Variants in SLC35F3 observed in about 807,000 individuals in gnomAD.
SLC35F3 encodes the protein putative thiamine transporter SLC35F3.
A neutral mutation model predicts 49.9 loss-of-function variants in SLC35F3; 25 were observed. The ratio of observed to expected loss-of-function variants is 0.50; its 90% CI spans 0.37 to 0.70. The LOEUF is 0.70. Ranked by LOEUF, SLC35F3 falls within the 30% of genes least tolerant of loss-of-function variation. SLC35F3 has a pLI of 0.00. For synonymous variants in SLC35F3, 275 were observed against 265.4 expected (o/e 1.04, Z -0.35); for missense variants, 525 against 639.8 (o/e 0.82, Z 1.94).
intron 2 of SLC35F3, among the ~76,000 whole-genome samples, chr1:234,204,718 C>T (rs1420212463): frequency 1.3e-5 from 2 of 152,240 alleles, no homozygotes; most frequent in African/African-American, 2.4e-5. Flanking sequence ...TGACTTTTTG[C>T]CGTACACTAA....
chr1:233,962,906 G>T (rs1448867484), intron 2 of SLC35F3, among the ~76,000 whole-genome samples: 1 of 152,166 alleles, frequency 6.6e-6, no homozygotes, highest in African/African-American at 2.4e-5. Context: ...CTCTTTGCAC[G>T]GACCTTGTAA....
At chr1:234,083,627 A>G (rs957959240) in intron 2 of SLC35F3, among the ~76,000 whole-genome samples, 4 of 152,184 alleles carry the variant, frequency 2.6e-5, no homozygotes, top group Admixed American at 6.5e-5. Flanking sequence ...CAGATCTCCA[A>G]TCATTTCTTA....
intron 2 of SLC35F3, among the ~76,000 whole-genome samples, chr1:234,064,015 GT>G (rs1306270696): frequency 6.6e-6 from 1 of 152,172 alleles, no homozygotes; most frequent in Non-Finnish European, 1.5e-5. Flanking sequence ...TGAACTGTTT[GT>G]TTTTATAATT....
intron 2 of SLC35F3, among the ~76,000 whole-genome samples, chr1:234,090,952 G>A (rs1665034100): frequency 6.6e-6 from 1 of 152,202 alleles, no homozygotes; most frequent in Non-Finnish European, 1.5e-5. Context: ...TCAACACGGG[G>A]AGGAACATAT....
At position 234,074,895 on chromosome 1, in the gene SLC35F3, T is replaced by C. The variant is rs1430099253; in HGVS notation, c.284-156522T>C. ...CTGCTTTTACCACATTTGAGATGTC[T>C]GGGGAGGAGCTGAGACTGAAATAAG... On this transcript the variant is annotated intron_variant, in intron 2 of 7. Transcript: ENST00000366618. 6.6e-5 allele frequency among the ~76,000 whole-genome samples: 10 copies of C among 152,262 alleles called. No individual in the cohort carries two copies. The East Asian group carries it at 1.5e-3, about 24-fold the overall frequency.
At chr1:234,177,275 A>C (rs12742490) in intron 2 of SLC35F3, among the ~76,000 whole-genome samples, 30,449 of 152,208 alleles carry the variant, frequency 0.2, 3,949 homozygotes, top group Non-Finnish European at 0.29. Context: ...GAGTCCAATT[A>C]AACCTCTTTC....
chr1:233,938,384 G>A (rs1157751147), intron 2 of SLC35F3, among the ~76,000 whole-genome samples: 1 of 152,140 alleles, frequency 6.6e-6, no homozygotes, highest in Non-Finnish European at 1.5e-5. Flanking sequence ...CTCCTAGGAG[G>A]TAGAATGTTG....
chr1:234,017,549 T>C (rs189219196), intron 2 of SLC35F3, among the ~76,000 whole-genome samples: 3 of 151,286 alleles, frequency 2.0e-5, no homozygotes, highest in Admixed American at 2.0e-4. Flanking sequence ...CCGTCTCTAC[T>C]AAAAAATACA....
chr1:234,230,975 C>G (rs1667358458), intron 2 of SLC35F3, among the ~76,000 whole-genome samples: 1 of 152,180 alleles, frequency 6.6e-6, no homozygotes, highest in Non-Finnish European at 1.5e-5. Context: ...CCCAGTACTG[C>G]CCCGCACCCA....
chr1:233,912,106 GT>G (rs2102782627), intron 2 of SLC35F3, among the ~76,000 whole-genome samples: 1 of 152,244 alleles, frequency 6.6e-6, no homozygotes, highest in Admixed American at 6.5e-5. Flanking sequence ...TGTCCACTTA[GT>G]TTTTTTAATG....
chr1:233,940,457 C>A (rs1266426434), intron 2 of SLC35F3, among the ~76,000 whole-genome samples: 1 of 152,088 alleles, frequency 6.6e-6, no homozygotes, highest in African/African-American at 2.4e-5. Context: ...TCCATCTGCT[C>A]TTTCCTTAGT....
chr1:234,065,224 G>C (rs1664600167), intron 2 of SLC35F3, among the ~76,000 whole-genome samples: 1 of 151,824 alleles, frequency 6.6e-6, no homozygotes, highest in African/African-American at 2.4e-5. Flanking sequence ...TCGGCTTACT[G>C]CAACTTCGGC....
rs2102808906 is a variant in SLC35F3 at position 233,957,368 on chromosome 1, G to T, written c.283+51610G>T. ...ATTCTACTAACTGATGCGCTACTCA[G>T]TTCATCAGGGTGTGGGCTCTGTCAC... On this transcript the variant is annotated intron_variant, in intron 2 of 7. Transcript: ENST00000366618. The surrounding 1 kb of genome is among the most constrained non-coding windows in gnomAD (Gnocchi z 4.0). 6.6e-6 allele frequency among the ~76,000 whole-genome samples: 1 copy of T among 152,312 alleles called. No individual in the cohort carries two copies. The highest frequency in any genetic ancestry group is 2.1e-4 in the South Asian group (1 of 4,830).
intron 2 of SLC35F3, among the ~76,000 whole-genome samples, chr1:234,203,709 C>CA (rs58588408): frequency 1.0e-3 from 146 of 145,170 alleles, no homozygotes; most frequent in Admixed American, 2.3e-3. Context: ...GACTCCATCT[C>CA]AAAAAAAAAA....
intron 3 of SLC35F3, among the ~76,000 whole-genome samples, chr1:234,279,038 G>A (rs1359783394): frequency 6.6e-6 from 1 of 152,146 alleles, no homozygotes; most frequent in East Asian, 1.9e-4. Flanking sequence ...TGCCCAAGGT[G>A]GTCCGAGCAC....
chr1:233,905,190 G>A, intron 1 of SLC35F3, 60 bp downstream of exon 1: 1 of 1,530,428 alleles, frequency 6.5e-7, no homozygotes, highest in Non-Finnish European at 8.8e-7. Flanking sequence ...GAGCGCCGGG[G>A]TAGCCCTTTG....
chr1:234,098,516 A>G (rs1025729536), intron 2 of SLC35F3, among the ~76,000 whole-genome samples: 92 of 139,700 alleles, frequency 6.6e-4, no homozygotes, highest in South Asian at 1.1e-3. Context: ...TGGTGGTGGT[A>G]GTGACTGTGT....
At chr1:234,119,299 AT>A (rs34256875) in intron 2 of SLC35F3, among the ~76,000 whole-genome samples, 34,455 of 140,036 alleles carry the variant, frequency 0.25, 4,971 homozygotes, top group East Asian at 0.8. Context: ...ATTCATGGTG[AT>A]TTTTTTTTTT....
intron 2 of SLC35F3, among the ~76,000 whole-genome samples, chr1:234,080,297 T>A (rs1664856202): frequency 2.0e-5 from 3 of 152,204 alleles, no homozygotes; most frequent in Admixed American, 2.0e-4. Context: ...CATGCCCTTT[T>A]ATTATTATTA....
Sources: allele counts gnomAD v4.1 joint callset (sites outside exome capture counted in the v4.1 genomes callset), GRCh38; gene constraint gnomAD v4.1.1; non-coding constraint Gnocchi (gnomAD v3.1); transcripts MANE v1.5; gene names NCBI Gene and HGNC (gene_info 2026-07-23, HGNC 2026-07-21).